FDFT1: variants seen among roughly 807,000 people sequenced by gnomAD.
The protein encoded by FDFT1 is farnesyl-diphosphate farnesyltransferase 1, also known as squalene synthase.
In FDFT1, 68 loss-of-function variants were observed where a neutral mutation model predicts 46.8. That is an observed-to-expected ratio of 1.45 (90% CI 1.19 to 1.78). The LOEUF (loss-of-function observed/expected upper bound fraction) is 1.78. FDFT1 is among the 40% of genes most tolerant of loss of function. The pLI is 0.00. For synonymous variants in FDFT1, 351 were observed against 185.1 expected (o/e 1.90, Z -7.28); for missense variants, 928 against 524.4 (o/e 1.77, Z -7.52).
chr8:11,828,724 G>C (rs1243219233), intron 5 of FDFT1, among the ~76,000 whole-genome samples: 1 of 152,272 alleles, frequency 6.6e-6, no homozygotes. Flanking sequence ...AGAGTGCTTA[G>C]TAAAGGTTCT....
chr8:11,816,996 G>C (rs1478241904), intron 3 of FDFT1, among the ~76,000 whole-genome samples: 4 of 152,142 alleles, frequency 2.6e-5, no homozygotes, highest in Non-Finnish European at 5.9e-5. Flanking sequence ...TATGATATTG[G>C]CTTTGGGTTT....
At chr8:11,806,131 G>C (rs1374858599) in intron 1 of FDFT1, among the ~76,000 whole-genome samples, 1 of 152,158 alleles carries the variant, frequency 6.6e-6, no homozygotes, top group African/African-American at 2.4e-5. Context: ...CCTGAGGCTG[G>C]AGCCCCTTCC....
chr8:11,806,959 C>T (rs1423358936), intron 1 of FDFT1, among the ~76,000 whole-genome samples: 1 of 152,032 alleles, frequency 6.6e-6, no homozygotes, highest in African/African-American at 2.4e-5. Context: ...ATGACTTTTT[C>T]AGGATTATGT....
intron 7 of FDFT1, among the ~76,000 whole-genome samples, chr8:11,832,006 C>T (rs1423837668): frequency 6.6e-6 from 1 of 152,142 alleles, no homozygotes; most frequent in Non-Finnish European, 1.5e-5. Flanking sequence ...TGAAGCTTGT[C>T]TGTGCTGATG....
At chr8:11,821,009 C>G (rs947091978) in intron 3 of FDFT1, among the ~76,000 whole-genome samples, 2 of 152,208 alleles carry the variant, frequency 1.3e-5, no homozygotes, top group Non-Finnish European at 2.9e-5. Context: ...GGAAGCAACT[C>G]TGGGTCTGAG....
At position 11,826,015 on chromosome 8, in the gene FDFT1, C is replaced by A; in HGVS notation, c.511-9C>A. 2 of 1,524,924 alleles carry A rather than the reference C, an allele frequency of 1.3e-6. No homozygotes were observed. Among genetic ancestry groups the A allele is most frequent in the South Asian group, 1.3e-5 (1 of 79,208 alleles). The allele number at this position is 1,524,924 out of a possible 1,614,324, so 94.5% of individuals were successfully genotyped here. A position where few individuals can be genotyped will look rare whatever the true frequency, so the allele number is the denominator to read the frequency against. ...ATTATTAAAGTGCTTTAAAAATCGT[C>A]TCTTACAGTACTGCCACTATGTTGC... On this transcript the variant is annotated splice_polypyrimidine_tract_variant and intron_variant, in intron 4 of 7. Transcript: ENST00000220584.
At position 11,830,434 on chromosome 8, in the gene FDFT1, C is replaced by T; in HGVS notation, c.879+14C>T. ...GCTATTCCACAGGTAGGGAAGGGGGCTCCTCTGGGTGGATACGGGGCTAAA... is the reference window on the plus strand; with the variant it reads ...GCTATTCCACAGGTAGGGAAGGGGGTTCCTCTGGGTGGATACGGGGCTAAA... On this transcript the variant is annotated intron_variant, in intron 6 of 7. Transcript: ENST00000220584. 2 of 1,598,126 alleles carry T rather than the reference C, an allele frequency of 1.3e-6. No individual in the cohort carries two copies. Among genetic ancestry groups the T allele is most frequent in the Non-Finnish European group, 1.7e-6 (2 of 1,166,620 alleles).
chr8:11,815,805 C>T (rs137966117), intron 3 of FDFT1, among the ~76,000 whole-genome samples: 71 of 152,200 alleles, frequency 4.7e-4, no homozygotes, highest in African/African-American at 1.7e-3. Context: ...AAATTTTCTC[C>T]TATTCTGTAG....
chr8:11,814,739 TA>T (rs1015180993), intron 3 of FDFT1, among the ~76,000 whole-genome samples: 56 of 152,344 alleles, frequency 3.7e-4, no homozygotes, highest in African/African-American at 1.3e-3. Context: ...TTAATGAATT[TA>T]AAAGTATAGC....
chr8:11,803,003 C>G (rs559592713), intron 1 of FDFT1, 72 bp downstream of exon 1: 5 of 1,535,098 alleles, frequency 3.3e-6, no homozygotes, highest in East Asian at 2.4e-5. Context: ...CCTGAGCGGC[C>G]GGGCCCGGAT....
At chr8:11,795,624 T>C (rs2130600634) in exon 1 of FDFT1, 1 of 151,520 alleles carries the variant, frequency 6.6e-6, no homozygotes, top group East Asian at 2.0e-4. Context: ...GGAAGCTTTG[T>C]TGTTTGCAAT....
rs917930666 is a variant in FDFT1, at chr8:11,808,460, C to G, written c.100-334C>G. The G allele has an allele frequency of 3.2e-6, 4 of 1,269,276 alleles. No homozygotes were observed. In the African/African-American group the frequency reaches 6.2e-5, roughly 20 times the overall value. 78.6% of individuals were successfully genotyped at this position (1,269,276 alleles called of 1,614,324 possible). A position where few individuals can be genotyped will look rare whatever the true frequency, so the allele number is the denominator to read the frequency against. Reference sequence around the variant, plus strand: ...CGAGCCCGTCCCGCCCCTCGTCGGGCGCTTCCCAGATCTGCTTGAGTCTAT... The same window carrying G: ...CGAGCCCGTCCCGCCCCTCGTCGGGGGCTTCCCAGATCTGCTTGAGTCTAT... On this transcript the variant is annotated intron_variant, in intron 1 of 7. Coordinates refer to ENST00000220584, the MANE Select transcript of FDFT1 (RefSeq NM_004462.5).
chr8:11,801,817 C>T (rs1373100262), upstream of FDFT1: 1 of 375,810 alleles, frequency 2.7e-6, no homozygotes, highest in Non-Finnish European at 5.2e-6. Context: ...CCTCAGCCTC[C>T]GGAGTAGTTG....
chr8:11,838,837 T>C lies in FDFT1; in HGVS notation c.*228T>C. 1 of 553,548 alleles carries C rather than the reference T, an allele frequency of 1.8e-6. No individual in the cohort carries two copies. The highest frequency in any genetic ancestry group is 3.2e-6 in the Non-Finnish European group (1 of 308,492). The allele number at this position is 553,548 out of a possible 1,614,324, so 34.3% of individuals were successfully genotyped here. A position where few individuals can be genotyped will look rare whatever the true frequency, so the allele number is the denominator to read the frequency against. The stretch of plus-strand genomic sequence containing the variant: ...TCCTTGTGGGTGATGATCACTGTGC[T>C]GCTTGTGGCTCATGGCAGAGCATTC... On this transcript the variant is annotated 3_prime_UTR_variant, in exon 8 of 8. Coordinates refer to ENST00000220584, the MANE Select transcript of FDFT1 (RefSeq NM_004462.5).
rs189537686 is a variant in FDFT1 at position 11,818,931 on chromosome 8, C to G, written c.382-2819C>G. Among the ~76,000 whole-genome samples the G allele has an allele frequency of 5.4e-4, 82 of 152,304 alleles. 2 individuals are homozygous for G. Among genetic ancestry groups the G allele is most frequent in the Non-Finnish European group, 1.5e-4 (10 of 68,024 alleles). On this transcript the variant is annotated intron_variant, in intron 3 of 7. Coordinates refer to ENST00000220584, the MANE Select transcript of FDFT1 (RefSeq NM_004462.5). ...TGGTTATTTTGCCCATTAATTGATGCAGTTTCTTCCTAGCCTCGATGGTCT... is the reference window on the plus strand; with the variant it reads ...TGGTTATTTTGCCCATTAATTGATGGAGTTTCTTCCTAGCCTCGATGGTCT...
chr8:11,835,413 C>T (rs13282158), intron 7 of FDFT1, among the ~76,000 whole-genome samples: 1,536 of 152,238 alleles, frequency 0.01, 11 homozygotes, highest in South Asian at 0.018. Flanking sequence ...TGCTGTCATG[C>T]TTATATGTTA....
chr8:11,802,857 C>T lies in FDFT1; in HGVS notation c.25C>T (p.His9Tyr). MEFVKCLG[H>Y]PEEFYNLVRF... ...GATGGAGTTCGTGAAATGCCTTGGC[C>T]ACCCCGAAGAGTTCTACAACCTGGT... Residue 9 changes from histidine (H) to tyrosine (Y), a missense_variant, in exon 1 of 8, where the codon CAC (histidine) becomes TAC (tyrosine). Transcript: ENST00000220584. The T allele has an allele frequency of 1.9e-6, 3 of 1,611,770 alleles. No individual in the cohort carries two copies. Among genetic ancestry groups the T allele is most frequent in the South Asian group, 1.1e-5 (1 of 90,558 alleles).
chr8:11,831,110 A>G lies in FDFT1; in HGVS notation c.880-408A>G, dbSNP rs115347540. Among the ~76,000 whole-genome samples the G allele has an allele frequency of 9.6e-3, 1,457 of 152,332 alleles. 26 individuals are homozygous for G. The highest frequency in any genetic ancestry group is 0.033 in the African/African-American group (1,380 of 41,576). On this transcript the variant is annotated intron_variant, in intron 6 of 7. Transcript: ENST00000220584. The stretch of plus-strand genomic sequence containing the variant: ...TCCCCCTGGCATTGGTTTTAAATAT[A>G]TAATGATTATGTTTGTTGTAGGAAA...
intron 1 of FDFT1, chr8:11,808,201 G>A (rs953736259): frequency 9.3e-7 from 1 of 1,077,618 alleles, no homozygotes; most frequent in Non-Finnish European, 1.1e-6. Flanking sequence ...AGGCCTTATT[G>A]GGAAGAGGAT....
Sources: allele counts gnomAD v4.1 joint callset (sites outside exome capture counted in the v4.1 genomes callset), GRCh38; gene constraint gnomAD v4.1.1; transcripts MANE v1.5; gene names NCBI Gene and HGNC (gene_info 2026-07-23, HGNC 2026-07-21).